Variants in BTBD9 observed in about 807,000 individuals in gnomAD.
BTBD9 encodes the protein BTB domain containing 9.
In BTBD9, 49 loss-of-function variants were observed where a neutral mutation model predicts 64.3. The ratio of observed to expected loss-of-function variants is 0.76; its 90% CI spans 0.61 to 0.97. The LOEUF is 0.97. BTBD9 is among the 50% of genes least tolerant of loss of function. The pLI is 0.00. For synonymous variants in BTBD9, 260 were observed against 274.7 expected (o/e 0.95, Z 0.53); for missense variants, 598 against 762.1 (o/e 0.78, Z 2.53).
chr6:38,310,614 A>T (rs1008816071), intron 7 of BTBD9, among the ~76,000 whole-genome samples: 1 of 152,276 alleles, frequency 6.6e-6, no homozygotes, highest in Admixed American at 6.5e-5. Flanking sequence ...AATGACCTAC[A>T]TTCAGTGCTT....
intron 6 of BTBD9, among the ~76,000 whole-genome samples, chr6:38,446,506 T>C (rs1769284113): frequency 6.6e-6 from 1 of 152,152 alleles, no homozygotes; most frequent in South Asian, 2.1e-4. Flanking sequence ...TGTTTTCACA[T>C]TCATTTCACA....
chr6:38,351,504 GTTGT>G (rs1397615740), intron 6 of BTBD9, among the ~76,000 whole-genome samples: 4 of 96,696 alleles, frequency 4.1e-5, no homozygotes, highest in African/African-American at 1.5e-4. Flanking sequence ...TTTAATTGTT[GTTGT>G]TTTTTTTTTT....
intron 1 of BTBD9, among the ~76,000 whole-genome samples, chr6:38,620,427 C>T (rs35152718): frequency 0.085 from 12,954 of 152,194 alleles, 683 homozygotes; most frequent in Middle Eastern, 0.18. Context: ...TTTACATGGA[C>T]GGTTTTGCCT....
intron 9 of BTBD9, among the ~76,000 whole-genome samples, chr6:38,227,863 G>A (rs998764276): frequency 6.6e-6 from 1 of 152,162 alleles, no homozygotes; most frequent in African/African-American, 2.4e-5. Flanking sequence ...CTTTTCTTCT[G>A]AAGAAATTCA....
chr6:38,575,950 A>C (rs1018121822), intron 6 of BTBD9, among the ~76,000 whole-genome samples: 3 of 152,194 alleles, frequency 2.0e-5, no homozygotes, highest in Non-Finnish European at 4.4e-5. Context: ...TATAAAGGTA[A>C]AGTATATTTT....
intron 6 of BTBD9, among the ~76,000 whole-genome samples, chr6:38,396,358 C>A (rs1766672333): frequency 6.6e-6 from 1 of 152,198 alleles, no homozygotes; most frequent in South Asian, 2.1e-4. Flanking sequence ...CAGCCTCCAC[C>A]AACTTTCTCT....
intron 6 of BTBD9, among the ~76,000 whole-genome samples, chr6:38,543,399 T>C (rs914810485): frequency 6.6e-6 from 1 of 152,238 alleles, no homozygotes; most frequent in Non-Finnish European, 1.5e-5. Context: ...ATGTAAATGA[T>C]GCAGGGACCA....
intron 6 of BTBD9, among the ~76,000 whole-genome samples, chr6:38,398,351 C>A (rs372039526): frequency 6.6e-6 from 1 of 152,124 alleles, no homozygotes; most frequent in Non-Finnish European, 1.5e-5. Context: ...CTGTCCCAAT[C>A]CTCCCCTCAT....
chr6:38,406,463 T>C (rs955439420), intron 6 of BTBD9, among the ~76,000 whole-genome samples: 1 of 152,202 alleles, frequency 6.6e-6, no homozygotes, highest in African/African-American at 2.4e-5. Context: ...GAATTGGTAC[T>C]TGGAAAAGAC....
intron 1 of BTBD9, among the ~76,000 whole-genome samples, 169 bp from the exon 2 acceptor site, chr6:38,598,290 C>T (rs1777120561): frequency 6.6e-6 from 1 of 152,132 alleles, no homozygotes; most frequent in Non-Finnish European, 1.5e-5. Flanking sequence ...AGGAATTCAG[C>T]CTGCTTCCCT....
At chr6:38,360,415 T>C (rs990533962) in intron 6 of BTBD9, among the ~76,000 whole-genome samples, 2 of 152,150 alleles carry the variant, frequency 1.3e-5, no homozygotes, top group African/African-American at 2.4e-5. Context: ...GCACTAGATA[T>C]GAAAAAATAT....
chr6:38,461,912 CCTAACAT>C lies in BTBD9; in HGVS notation c.1154+115681_1154+115687del, dbSNP rs1214027567. Among the ~76,000 whole-genome samples, 10 of 152,228 alleles carry C rather than the reference CCTAACAT, an allele frequency of 6.6e-5. No individual in the cohort carries two copies. The South Asian group carries it at 1.9e-3, about 28-fold the overall frequency. Reference sequence around the variant, plus strand: ...TTATTTTAGCCTTAATTTGCATTTCCCTAACATCTAATGGCATTGAATATCTTTTCAT... The same window carrying C: ...TTATTTTAGCCTTAATTTGCATTTCCCTAATGGCATTGAATATCTTTTCAT... On this transcript the variant is annotated intron_variant, in intron 6 of 10. Coordinates refer to ENST00000481247, the MANE Select transcript of BTBD9 (RefSeq NM_001099272.2).
At chr6:38,548,233 A>AT (rs1172533532) in intron 6 of BTBD9, among the ~76,000 whole-genome samples, 15 of 152,184 alleles carry the variant, frequency 9.9e-5, no homozygotes, top group African/African-American at 2.7e-4. Context: ...AATTTCACTC[A>AT]TTTTCACTCC....
At chr6:38,634,296 T>C (rs914885354) in intron 1 of BTBD9, among the ~76,000 whole-genome samples, 4 of 152,220 alleles carry the variant, frequency 2.6e-5, no homozygotes, top group African/African-American at 9.6e-5. Flanking sequence ...CCAAAAGTCT[T>C]CAGTATATGA....
chr6:38,480,202 G>C (rs924313445), intron 6 of BTBD9, among the ~76,000 whole-genome samples: 4 of 152,158 alleles, frequency 2.6e-5, no homozygotes, highest in African/African-American at 4.8e-5. Flanking sequence ...CTTGCTCCTT[G>C]CTAGCTGCAT....
intron 8 of BTBD9, among the ~76,000 whole-genome samples, chr6:38,282,869 C>T (rs886711786): frequency 6.6e-6 from 1 of 152,084 alleles, no homozygotes; most frequent in African/African-American, 2.4e-5. Flanking sequence ...CTCCTGATTC[C>T]CCCATGGCAC....
Position 38,288,273 on chromosome 6 carries a change from G to A in BTBD9, c.1453C>T (p.Arg485Trp), listed in dbSNP as rs1236158890. The change falls in exon 8 of 11, where the codon CGG becomes TGG. Residue 485 changes from arginine to tryptophan, a missense_variant and splice_region_variant. Coordinates refer to ENST00000481247, the MANE Select transcript of BTBD9 (RefSeq NM_001099272.2). ...ATGAATGAGGAGGAATCTTCTTACC[G>A]TATTGACCCAATCATGTACGGTTGT... ...LAQPYMIGSI[R>W]LLLWDCDDRS... 1.1e-5 allele frequency: 17 copies of A among 1,612,408 alleles called. No homozygotes were observed. Among genetic ancestry groups the A allele is most frequent in the East Asian group, 4.5e-5 (2 of 44,874 alleles).
At chr6:38,488,453 G>A (rs1040634685) in intron 6 of BTBD9, among the ~76,000 whole-genome samples, 1 of 152,170 alleles carries the variant, frequency 6.6e-6, no homozygotes, top group African/African-American at 2.4e-5. Flanking sequence ...ATGGACCAAC[G>A]TTCTCTAGCT....
intron 9 of BTBD9, among the ~76,000 whole-genome samples, chr6:38,232,691 G>T (rs1763651673): frequency 6.7e-6 from 1 of 148,400 alleles, no homozygotes; most frequent in Non-Finnish European, 1.5e-5. Context: ...TGAAGATAAG[G>T]TCTCGCTATG....
Sources: gnomAD v4.1 joint callset for allele counts (sites outside exome capture counted in the v4.1 genomes callset) on GRCh38, gnomAD v4.1.1 for gene constraint, MANE v1.5 for transcripts, NCBI Gene and HGNC (gene_info 2026-07-23, HGNC 2026-07-21) for gene names.